ZNF345: variants seen among roughly 807,000 people sequenced by gnomAD.
ZNF345 encodes zinc finger protein HZF10.
For missense variants in ZNF345, 527 were observed against 589.9 expected (o/e 0.89, Z 1.10); for synonymous variants, 166 against 187.9 (o/e 0.88, Z 0.95).
rs765262492 is a variant in ZNF345, at chr19:36,877,903, C to T, written c.1073C>T (p.Thr358Ile). The T allele has an allele frequency of 4.3e-6, 7 of 1,613,926 alleles. No homozygotes were observed. The highest frequency in any genetic ancestry group is 5.1e-6 in the Non-Finnish European group (6 of 1,179,956). Residue 358 changes from threonine (T) to isoleucine (I), a missense_variant, in exon 3 of 3, where the codon ACT (threonine) becomes ATT (isoleucine). By Grantham distance (89) the Thr-to-Ile change is moderately conservative (BLOSUM62 -1). Transcript: ENST00000420450. ...ACCTTTAGTAGTGGTTCAGACCTTA[C>T]TCAACATCACAGAATTCATACTGGT... ...GKTFSSGSDL[T>I]QHHRIHTGEK...
chr19:36,859,232 G>A (rs576694514), intron 2 of ZNF345, among the ~76,000 whole-genome samples: 33 of 151,814 alleles, frequency 2.2e-4, no homozygotes, highest in Admixed American at 2.6e-4. Context: ...TCAGCTCACT[G>A]CAGCCTCTGC....
At chr19:36,853,335 G>A (rs962634762) in intron 2 of ZNF345, among the ~76,000 whole-genome samples, 3 of 140,152 alleles carry the variant, frequency 2.1e-5, no homozygotes, top group Non-Finnish European at 3.0e-5. Flanking sequence ...CACAACCTCC[G>A]CCTCTTGGGT....
Position 36,878,336 on chromosome 19 carries a change from A to C in ZNF345, c.*39A>C, listed in dbSNP as rs754887294. On this transcript the variant is annotated 3_prime_UTR_variant, in exon 3 of 3. Transcript: ENST00000420450. ...AGGAAGGACTCTAAACATATGACTT[A>C]AGAAAATTCATAGTGGTGAAAATCT... 1 of 1,512,022 alleles carries C rather than the reference A, an allele frequency of 6.6e-7. No homozygotes were observed. Among genetic ancestry groups the C allele is most frequent in the East Asian group, 2.3e-5 (1 of 44,078 alleles). The allele number at this position is 1,512,022 out of a possible 1,614,324, so 93.7% of individuals were successfully genotyped here. A position where few individuals can be genotyped will look rare whatever the true frequency, so the allele number is the denominator to read the frequency against.
intron 2 of ZNF345, among the ~76,000 whole-genome samples, chr19:36,852,304 A>G (rs886700769): frequency 1.3e-4 from 19 of 151,990 alleles, no homozygotes; most frequent in Non-Finnish European, 2.4e-4. Context: ...TTTAGAATAT[A>G]TACCTAGTGA....
intron 2 of ZNF345, among the ~76,000 whole-genome samples, chr19:36,855,291 C>T (rs1423577789): frequency 2.7e-5 from 4 of 150,612 alleles, no homozygotes; most frequent in Non-Finnish European, 5.9e-5. Context: ...TACAGGCCCC[C>T]GCCACCACGC....
intron 3 of ZNF345, chr19:36,891,916 C>T (rs778461996): frequency 1.2e-6 from 2 of 1,614,048 alleles, no homozygotes; most frequent in East Asian, 2.2e-5. Context: ...AGGTTTCTCA[C>T]CAGTATGAAT....
chr19:36,887,779 A>C (rs947139568), intron 3 of ZNF345, among the ~76,000 whole-genome samples: 2 of 152,162 alleles, frequency 1.3e-5, no homozygotes, highest in African/African-American at 4.8e-5. Flanking sequence ...TACTCCATCT[A>C]ATGGCACACT....
At chr19:36,866,285 G>A (rs996449891) in intron 2 of ZNF345, among the ~76,000 whole-genome samples, 2 of 151,740 alleles carry the variant, frequency 1.3e-5, no homozygotes, top group Non-Finnish European at 2.9e-5. Context: ...ATCTTTTTAG[G>A]TTAAGTGATA....
Position 36,877,962 on chromosome 19 carries a change from G to A in ZNF345, c.1132G>A (p.Ala378Thr), listed in dbSNP as rs775080063. The part of the protein sequence containing the change: ...KPYECKECGK[A>T]FGSGSKLIQH... ...CTATGAATGTAAGGAATGTGGGAAG[G>A]CCTTTGGTAGTGGCTCAAAACTTAT... Residue 378 changes from alanine to threonine, a missense_variant, in exon 3 of 3, where the codon GCC becomes ACC. By Grantham distance (58) the Ala-to-Thr change is moderately conservative. Coordinates refer to ENST00000420450, the MANE Select transcript of ZNF345 (RefSeq NM_001242472.2). 2 of 1,614,030 alleles carry A rather than the reference G, an allele frequency of 1.2e-6. No homozygotes were observed. Among genetic ancestry groups the A allele is most frequent in the Admixed American group, 3.3e-5 (2 of 60,022 alleles).
In ZNF345 at chr19:36,878,044, A is replaced by G. The variant is rs201353145; in HGVS notation, c.1214A>G (p.Lys405Arg). Residue 405 changes from lysine (K) to arginine (R), a missense_variant, in exon 3 of 3, where the codon AAG becomes AGG. Physicochemically the swap from Lys to Arg is conservative, Grantham distance 26. Coordinates refer to ENST00000420450, the MANE Select transcript of ZNF345 (RefSeq NM_001242472.2). ...CCCTATGAATGTAAAGAATGTGGAA[A>G]GTCCTTTAGTAGTGGTTCAGCTCTT... is the stretch of plus-strand genomic sequence containing the variant. Reference protein sequence around the residue: ...ERPYECKECGKSFSSGSALNR... With the variant: ...ERPYECKECGRSFSSGSALNR... The G allele has an allele frequency of 1.4e-5, 22 of 1,613,962 alleles. No individual in the cohort carries two copies. The highest frequency in any genetic ancestry group is 1.8e-5 in the Non-Finnish European group (21 of 1,180,020).
chr19:36,853,922 C>A (rs986461426), intron 2 of ZNF345, among the ~76,000 whole-genome samples: 2 of 152,110 alleles, frequency 1.3e-5, no homozygotes, highest in Non-Finnish European at 2.9e-5. Flanking sequence ...TGGTTCCACC[C>A]AAACATCTCT....
rs1265308071 is a variant in ZNF345, at chr19:36,892,881, CCGACTGCAAG to C, written c.111_120del (p.Asp38ProfsTer9). 1 of 1,160,012 alleles carries C rather than the reference CCGACTGCAAG, an allele frequency of 8.6e-7. No homozygotes were observed. The highest frequency in any genetic ancestry group is 1.1e-6 in the Non-Finnish European group (1 of 915,092). 71.9% of individuals were successfully genotyped at this position (1,160,012 alleles called of 1,614,324 possible). On this transcript the variant is annotated frameshift_variant, in exon 4 of 4. Coordinates refer to the ZNF345 transcript ENST00000526123. LOFTEE classifies it high-confidence loss of function. ...TCCTCGTCGTACAGCTTGTGGAGCT[CCGACTGCAAG>C]GCCATCAGCATGCCCAGGCAGGGGT... is the stretch of plus-strand genomic sequence containing the variant.
intron 3 of ZNF345, chr19:36,889,252 GTT>G (rs963782184): frequency 6.6e-6 from 1 of 152,014 alleles, no homozygotes; most frequent in Non-Finnish European, 1.5e-5. Flanking sequence ...TTGGCTTGTA[GTT>G]TTTTTGTGTG....
chr19:36,891,737 A>G, intron 3 of ZNF345: 1 of 1,614,160 alleles, frequency 6.2e-7, no homozygotes, highest in East Asian at 2.2e-5. Context: ...TCACATTCAT[A>G]GAGCTTCTCA....
intron 2 of ZNF345, among the ~76,000 whole-genome samples, chr19:36,865,476 A>G (rs1380193093): frequency 6.6e-6 from 1 of 152,064 alleles, no homozygotes; most frequent in Non-Finnish European, 1.5e-5. Context: ...TTATTTATTG[A>G]TAGAGACAGA....
At chr19:36,864,878 AGCCATGTCCTGTTCCT>A (rs1472649044) in intron 2 of ZNF345, among the ~76,000 whole-genome samples, 25 of 152,184 alleles carry the variant, frequency 1.6e-4, no homozygotes, top group African/African-American at 5.8e-4. Context: ...CACTTGCCTT[AGCCATGTCCTGTTCCT>A]GCTGTGGAAC....
intron 2 of ZNF345, among the ~76,000 whole-genome samples, chr19:36,873,670 T>C (rs912773777): frequency 1.1e-4 from 16 of 150,926 alleles, no homozygotes; most frequent in Non-Finnish European, 1.6e-4. Context: ...TAACTACCAT[T>C]CTGTATGCTA....
intron 2 of ZNF345, among the ~76,000 whole-genome samples, chr19:36,873,648 G>T (rs1239595224): frequency 2.0e-5 from 3 of 150,346 alleles, no homozygotes; most frequent in African/African-American, 7.3e-5. Context: ...TTTTCTCCCT[G>T]ACAGTCCCTG....
chr19:36,861,858 CCTTTTTTTT>C (rs2072554660), intron 2 of ZNF345, among the ~76,000 whole-genome samples: 1 of 146,698 alleles, frequency 6.8e-6, no homozygotes, highest in Admixed American at 6.9e-5. Flanking sequence ...CCATGCCCAG[CCTTTTTTTT>C]TTTTTTTTTC....
Sources: gnomAD v4.1 joint callset for allele counts (sites outside exome capture counted in the v4.1 genomes callset) on GRCh38, gnomAD v4.1.1 for gene constraint, MANE v1.5 for transcripts, NCBI Gene and HGNC (gene_info 2026-07-23, HGNC 2026-07-21) for gene names.